The following AACS variants were observed in gnomAD, a reference collection of about 807,000 sequenced individuals.
The protein encoded by AACS is acetoacetate-CoA ligase.
AACS carries 69 observed loss-of-function variants against 83.1 expected under a neutral mutation model. That is an observed-to-expected ratio of 0.83 (90% CI 0.68 to 1.01). The LOEUF (loss-of-function observed/expected upper bound fraction) is 1.01. Ranked by LOEUF, AACS falls within the 50% of genes least tolerant of loss-of-function variation. AACS has a pLI of 0.00. For synonymous variants in AACS, 333 were observed against 343.4 expected (o/e 0.97, Z 0.33); for missense variants, 866 against 882.2 (o/e 0.98, Z 0.23).
At position 125,142,334 on chromosome 12, in the gene AACS, C is replaced by A; in HGVS notation, c.*105C>A. 1 of 1,479,072 alleles carries A rather than the reference C, an allele frequency of 6.8e-7. No individual in the cohort carries two copies. The highest frequency in any genetic ancestry group is 9.1e-7 in the Non-Finnish European group (1 of 1,093,378). 91.6% of individuals were successfully genotyped at this position (1,479,072 alleles called of 1,614,324 possible). A position where few individuals can be genotyped will look rare whatever the true frequency, so the allele number is the denominator to read the frequency against. ...TACAGCTGTTGTAAAAGGATGCTCGCACCAAGTGTTCTGTAGGCTTGGGGA... is the reference window on the plus strand; with the variant it reads ...TACAGCTGTTGTAAAAGGATGCTCGAACCAAGTGTTCTGTAGGCTTGGGGA... On this transcript the variant is annotated 3_prime_UTR_variant, in exon 18 of 18. Coordinates refer to ENST00000316519, the MANE Select transcript of AACS (RefSeq NM_023928.5).
chr12:125,138,939 A>T (rs571245677), intron 17 of AACS: 1 of 104,486 alleles, frequency 9.6e-6, no homozygotes, highest in East Asian at 4.6e-4. Flanking sequence ...GAAGAGGACA[A>T]CTGAGGTCTC....
intron 15 of AACS, 60 bp from the exon 16 acceptor site, chr12:125,134,734 C>A: frequency 6.3e-7 from 1 of 1,599,340 alleles, no homozygotes; most frequent in East Asian, 2.2e-5. Context: ...CCCGTGGGAC[C>A]CCTGGGACTT....
intron 10 of AACS, among the ~76,000 whole-genome samples, chr12:125,118,977 A>C (rs1957106964): frequency 6.6e-6 from 1 of 152,242 alleles, no homozygotes; most frequent in Non-Finnish European, 1.5e-5. Flanking sequence ...ACCAAGGGCC[A>C]GGGCTCTTCC....
At position 125,068,697 on chromosome 12, in the gene AACS, G is replaced by C. The variant is rs371355911; in HGVS notation, c.133+2980G>C. Among the ~76,000 whole-genome samples the C allele has an allele frequency of 3.9e-5, 6 of 152,100 alleles. No homozygotes were observed. The East Asian group carries it at 1.2e-3, about 29-fold the overall frequency. The stretch of plus-strand genomic sequence containing the variant: ...CCCTTTCATATTCCTGGCCCTGGAG[G>C]CTTTGGGCTTTGCTTGAAGATCCAG... On this transcript the variant is annotated intron_variant, in intron 1 of 17. Coordinates refer to ENST00000316519, the MANE Select transcript of AACS (RefSeq NM_023928.5).
rs371924705 is a variant in AACS, at chr12:125,116,620, C to T, written c.997-2021C>T. On this transcript the variant is annotated intron_variant, in intron 9 of 17. Coordinates refer to ENST00000316519, the MANE Select transcript of AACS (RefSeq NM_023928.5). ...CTGGGACTACAGGCGCCCGCCCCCA[C>T]GCCTGGCTAATTTTTTTTGTATTTT... Among the ~76,000 whole-genome samples the T allele has an allele frequency of 3.7e-4, 57 of 152,180 alleles. 1 individual carries two copies. Among genetic ancestry groups the T allele is most frequent in the African/African-American group, 6.3e-4 (26 of 41,530 alleles).
intron 12 of AACS, 43 bp from the exon 13 acceptor site, chr12:125,128,118 T>A (rs1357662341): frequency 1.4e-6 from 2 of 1,481,428 alleles, no homozygotes; most frequent in East Asian, 4.6e-5. Flanking sequence ...ACAATTTGTC[T>A]TGGGCTTCTA....
intron 9 of AACS, among the ~76,000 whole-genome samples, chr12:125,116,105 T>C (rs1207216786): frequency 6.6e-6 from 1 of 152,006 alleles, no homozygotes; most frequent in African/African-American, 2.4e-5. Context: ...ATCCCTAACG[T>C]AGAATACCAG....
chr12:125,077,474 C>T (rs1435012587), intron 3 of AACS, among the ~76,000 whole-genome samples: 4 of 148,184 alleles, frequency 2.7e-5, no homozygotes, highest in Non-Finnish European at 5.9e-5. Flanking sequence ...TGCGCCACTG[C>T]ACTCCAGGCT....
At chr12:125,073,826 G>A in intron 1 of AACS, 50 bp from the exon 2 acceptor site, 2 of 1,485,836 alleles carry the variant, frequency 1.3e-6, no homozygotes, top group Non-Finnish European at 1.9e-6. Flanking sequence ...CTTATTAATG[G>A]ATTGCCAAGA....
chr12:125,100,816 C>T (rs1956695267), intron 5 of AACS: 1 of 152,218 alleles, frequency 6.6e-6, no homozygotes, highest in African/African-American at 2.4e-5. Context: ...CCTTAGACTC[C>T]CCCAGAGTCA....
At chr12:125,088,021 G>A (rs1030564234) in intron 4 of AACS, among the ~76,000 whole-genome samples, 2 of 152,138 alleles carry the variant, frequency 1.3e-5, no homozygotes, top group Admixed American at 1.3e-4. Flanking sequence ...TCCTGCAGCT[G>A]CTTTCATCAT....
At chr12:125,065,839 G>C in intron 1 of AACS, 122 bp downstream of exon 1, 1 of 1,353,232 alleles carries the variant, frequency 7.4e-7, no homozygotes, top group South Asian at 1.7e-5. Flanking sequence ...TGATGGCGGG[G>C]AGGCCTTCTG....
intron 4 of AACS, among the ~76,000 whole-genome samples, chr12:125,090,208 T>TGATCC (rs1565932091): frequency 3.7e-5 from 1 of 26,736 alleles, no homozygotes; most frequent in Non-Finnish European, 6.7e-5. Flanking sequence ...ATTTACCCAT[T>TGATCC]ATCCATCTAT....
chr12:125,071,006 C>T (rs1269570234), intron 1 of AACS, among the ~76,000 whole-genome samples: 1 of 152,222 alleles, frequency 6.6e-6, no homozygotes, highest in Admixed American at 6.5e-5. Context: ...CCTTTATCAC[C>T]TCTGAGTTTC....
chr12:125,071,094 C>T (rs757906126), intron 1 of AACS, among the ~76,000 whole-genome samples: 6 of 152,190 alleles, frequency 3.9e-5, no homozygotes, highest in Non-Finnish European at 8.8e-5. Context: ...GGAACGCACC[C>T]GTCCCCAAGA....
rs199815098 is a variant in AACS, at chr12:125,076,604, C to T, written c.351C>T (p.Tyr117=). 1.6e-5 allele frequency: 26 copies of T among 1,613,990 alleles called. No homozygotes were observed. The highest frequency in any genetic ancestry group is 1.6e-4 in the African/African-American group (12 of 74,928). ...RHKENDRVAL[Y]IAREGKEEIV... ...AAGAGAATGACAGAGTTGCCCTTTACATTGCAAGTAAGTCCTGATGGCGAG... is the reference window on the plus strand; with the variant it reads ...AAGAGAATGACAGAGTTGCCCTTTATATTGCAAGTAAGTCCTGATGGCGAG... The change falls in exon 3 of 18, where the codon TAC becomes TAT. Residue 117 remains tyrosine (Y), a synonymous_variant. Coordinates refer to ENST00000316519, the MANE Select transcript of AACS (RefSeq NM_023928.5).
intron 5 of AACS, among the ~76,000 whole-genome samples, chr12:125,092,175 C>G (rs1014516683): frequency 7.2e-5 from 11 of 152,228 alleles, no homozygotes; most frequent in African/African-American, 2.4e-4. Context: ...CAGCCAGGGC[C>G]CTCTCCTGGC....
intron 5 of AACS, chr12:125,102,430 C>T (rs376231769): frequency 5.2e-5 from 21 of 402,976 alleles, no homozygotes; most frequent in South Asian, 1.7e-4. Context: ...CTTTCTCTCC[C>T]GTGAAATGCA....
Position 125,102,786 on chromosome 12 carries a change from G to A in AACS, c.678G>A (p.Val226=), listed in dbSNP as rs1233549731. The A allele has an allele frequency of 6.2e-7, 1 of 1,614,030 alleles. No homozygotes were observed. The highest frequency in any genetic ancestry group is 8.5e-7 in the Non-Finnish European group (1 of 1,179,986). ...EHNHMEKLQQ[V]VKGLPDLKKV... ...ACCACATGGAAAAGCTGCAGCAGGTGGTTAAAGGTGTGTGGCCCTTCCGGC... is the reference window on the plus strand; with the variant it reads ...ACCACATGGAAAAGCTGCAGCAGGTAGTTAAAGGTGTGTGGCCCTTCCGGC... Residue 226 remains valine, a synonymous_variant, in exon 6 of 18, where the codon GTG becomes GTA. Coordinates refer to ENST00000316519, the MANE Select transcript of AACS (RefSeq NM_023928.5).
Sources: gnomAD v4.1 joint callset for allele counts (sites outside exome capture counted in the v4.1 genomes callset) on GRCh38, gnomAD v4.1.1 for gene constraint, MANE v1.5 for transcripts, NCBI Gene and HGNC (gene_info 2026-07-23, HGNC 2026-07-21) for gene names.